The following CHSY3 variants were observed in gnomAD, a reference collection of about 807,000 sequenced individuals.
CHSY3 encodes the protein N-acetylgalactosaminyl-proteoglycan 3-beta-glucuronosyltransferase 3.
CHSY3 carries 35 observed loss-of-function variants against 67.2 expected under a neutral mutation model. The observed-to-expected ratio is 0.52, with a 90% CI of 0.40 to 0.69. The LOEUF (loss-of-function observed/expected upper bound fraction) is 0.69, where lower values mean the gene tolerates loss of function less well. CHSY3 is among the 30% of genes least tolerant of loss of function. The probability of loss-of-function intolerance (pLI) is 0.00; values close to 1 mark genes in which losing one functional copy is unlikely to be tolerated. For missense variants in CHSY3, 1,069 were observed against 1,138.5 expected (o/e 0.94, Z 0.88); for synonymous variants, 474 against 434.7 (o/e 1.09, Z -1.12).
intron 2 of CHSY3, among the ~76,000 whole-genome samples, chr5:129,933,725 A>G (rs899718551): frequency 3.9e-5 from 6 of 152,158 alleles, no homozygotes; most frequent in Non-Finnish European, 8.8e-5. Flanking sequence ...ATATAACCCT[A>G]CACTCATTTA....
chr5:129,998,377 G>A (rs1239662431), intron 2 of CHSY3, among the ~76,000 whole-genome samples: 3 of 152,124 alleles, frequency 2.0e-5, no homozygotes, highest in Admixed American at 6.6e-5. Flanking sequence ...CCTAAATGTA[G>A]TGATTAATCT....
At position 130,004,679 on chromosome 5, in the gene CHSY3, A is replaced by G. The variant is rs567109588; in HGVS notation, c.1086+96319A>G. On this transcript the variant is annotated intron_variant, in intron 2 of 2. Coordinates refer to ENST00000305031, the MANE Select transcript of CHSY3 (RefSeq NM_175856.5). The stretch of plus-strand genomic sequence containing the variant: ...GTTGAGTTGGCTCTGAATTATTTGC[A>G]GGTTTCTAATAAAAGATTATTTTAA... 7.9e-5 allele frequency among the ~76,000 whole-genome samples: 12 copies of G among 152,324 alleles called. No homozygotes were observed. The East Asian group carries it at 2.3e-3, about 29-fold the overall frequency.
At chr5:130,154,010 A>G (rs1769303942) in intron 2 of CHSY3, among the ~76,000 whole-genome samples, 1 of 151,974 alleles carries the variant, frequency 6.6e-6, no homozygotes, top group African/African-American at 2.4e-5. Context: ...TCCACCTCTC[A>G]GTTTCAAGTG....
Position 129,905,003 on chromosome 5 carries a change from C to A in CHSY3, c.174C>A (p.Gly58=). ...GCTCTGCTGCTGGCCCCCGCGCCGG[C>A]GCTCAGCAGCCGCTCCCCCAGCCCC... ...YGRSAAGPRA[G]AQQPLPQPQS... is the part of the protein sequence containing the mutation. Residue 58 remains glycine (G), a synonymous_variant, in exon 1 of 3, where the codon GGC becomes GGA. Coordinates refer to ENST00000305031, the MANE Select transcript of CHSY3 (RefSeq NM_175856.5). The A allele has an allele frequency of 6.4e-7, 1 of 1,564,974 alleles. No individual in the cohort carries two copies.
intron 2 of CHSY3, among the ~76,000 whole-genome samples, chr5:129,916,874 C>T (rs773180155): frequency 6.6e-6 from 1 of 151,898 alleles, no homozygotes; most frequent in South Asian, 2.1e-4. Context: ...TGACATCCTT[C>T]TAAATTGTTT....
chr5:130,162,738 C>G (rs73248912), intron 2 of CHSY3, among the ~76,000 whole-genome samples: 8,517 of 152,094 alleles, frequency 0.056, 662 homozygotes, highest in African/African-American at 0.16. Context: ...TCATTATGCT[C>G]TCTCCAACTA....
intron 2 of CHSY3, among the ~76,000 whole-genome samples, chr5:129,955,255 A>T (rs2149603781): frequency 6.6e-6 from 1 of 152,204 alleles, no homozygotes; most frequent in South Asian, 2.1e-4. Flanking sequence ...ATGAAAATTA[A>T]GTATCCCCCT....
intron 2 of CHSY3, among the ~76,000 whole-genome samples, chr5:129,979,199 C>CAAA (rs58584381): frequency 5.4e-4 from 34 of 62,526 alleles, no homozygotes; most frequent in South Asian, 8.5e-4. Flanking sequence ...GACTCCGTCT[C>CAAA]AAAAAAAAAA....
At chr5:129,988,638 GAATA>G (rs1763272345) in intron 2 of CHSY3, among the ~76,000 whole-genome samples, 1 of 152,162 alleles carries the variant, frequency 6.6e-6, no homozygotes, top group Non-Finnish European at 1.5e-5. Context: ...ATGAATGAAT[GAATA>G]TATTGTGCAA....
At chr5:129,984,605 C>T (rs1763119118) in intron 2 of CHSY3, among the ~76,000 whole-genome samples, 1 of 152,118 alleles carries the variant, frequency 6.6e-6, no homozygotes. Flanking sequence ...CTCTAAACTG[C>T]TTTCCAAAGT....
chr5:130,141,097 C>T, intron 2 of CHSY3: 2 of 264,878 alleles, frequency 7.6e-6, no homozygotes, highest in South Asian at 5.2e-5. Context: ...TGAAAATGAG[C>T]TGAATGAGTA....
intron 1 of CHSY3, 60 bp downstream of exon 1, chr5:129,905,691 C>G (rs953572756): frequency 1.3e-6 from 2 of 1,573,914 alleles, no homozygotes; most frequent in East Asian, 2.3e-5. Context: ...TCTCTGTAAC[C>G]GGTCCTAGCC....
At chr5:130,116,584 G>T (rs1420877349) in intron 2 of CHSY3, among the ~76,000 whole-genome samples, 1 of 152,180 alleles carries the variant, frequency 6.6e-6, no homozygotes, top group Non-Finnish European at 1.5e-5. Flanking sequence ...TGGCTGTGAT[G>T]AATTATTCCA....
intron 2 of CHSY3, among the ~76,000 whole-genome samples, chr5:130,036,555 A>G (rs1354674477): frequency 6.6e-6 from 1 of 152,110 alleles, no homozygotes. Context: ...TTGCTGGAAA[A>G]GTGGAAAAAC....
chr5:130,056,544 C>T (rs886247757), intron 2 of CHSY3, among the ~76,000 whole-genome samples: 1 of 152,300 alleles, frequency 6.6e-6, no homozygotes, highest in East Asian at 1.9e-4. Context: ...GGAAGCTTGA[C>T]TTTTCAGAAT....
Position 129,908,101 on chromosome 5 carries a change from G to A in CHSY3, c.827G>A (p.Arg276Lys), listed in dbSNP as rs1760384882. Reference sequence around the variant, plus strand: ...GGTGATAAATTAGAAGAGTTTCTTAGATCGCTAAACAGCAGTAAGCCTCTC... The same window carrying A: ...GGTGATAAATTAGAAGAGTTTCTTAAATCGCTAAACAGCAGTAAGCCTCTC... ...IKGDKLEEFL[R>K]SLNSSKPLYL... Residue 276 changes from arginine (R) to lysine (K), a missense_variant, in exon 2 of 3, where the codon AGA (arginine) becomes AAA (lysine). By Grantham distance (26) the Arg-to-Lys change is conservative (BLOSUM62 2). Around this residue, in one of 5 missense-constraint regions of CHSY3, gnomAD observed 216 missense variants for 311.5 expected, o/e 0.69. Coordinates refer to ENST00000305031, the MANE Select transcript of CHSY3 (RefSeq NM_175856.5). 1 of 1,612,838 alleles carries A rather than the reference G, an allele frequency of 6.2e-7. No homozygotes were observed. The highest frequency in any genetic ancestry group is 1.7e-5 in the Admixed American group (1 of 59,748).
chr5:129,943,030 A>G (rs779447234), intron 2 of CHSY3, among the ~76,000 whole-genome samples: 1 of 152,152 alleles, frequency 6.6e-6, no homozygotes, highest in East Asian at 1.9e-4. Flanking sequence ...TAATGAAATA[A>G]TATATATTGG....
At position 130,185,017 on chromosome 5, in the gene CHSY3, T is replaced by C. The variant is rs1407302842; in HGVS notation, c.1875T>C (p.Val625=). ...ATGAAAAGAAAGTACACATTCTCGT[T>C]CCTCTCATCGGAAGGTATGACATTT... ...GHNEKKVHIL[V]PLIGRYDIFL... Residue 625 remains valine (V), a synonymous_variant, in exon 3 of 3, where the codon GTT becomes GTC. Transcript: ENST00000305031. The C allele has an allele frequency of 1.9e-6, 3 of 1,573,640 alleles. No homozygotes were observed. In the Middle Eastern group the frequency reaches 5.0e-4, roughly 262 times the overall value.
intron 2 of CHSY3, among the ~76,000 whole-genome samples, chr5:130,092,063 G>T (rs1395821831): frequency 6.6e-6 from 1 of 152,068 alleles, no homozygotes; most frequent in Non-Finnish European, 1.5e-5. Context: ...TTTGAGTGAG[G>T]TCAGTTGCTG....
Sources: gnomAD v4.1 joint callset for allele counts (sites outside exome capture counted in the v4.1 genomes callset) on GRCh38, gnomAD v4.1.1 for gene constraint, gnomAD v4.1.1 regional missense constraint, MANE v1.5 for transcripts, NCBI Gene and HGNC (gene_info 2026-07-23, HGNC 2026-07-21) for gene names.